The following DRC11 variants were observed in gnomAD, a reference collection of about 807,000 sequenced individuals.
DRC11 encodes the protein dynein regulatory complex subunit 11, also known as IQ and AAA domain-containing protein 1.
chr2:236,392,408 T>A, the DRC11 span: 1 of 927,324 alleles, frequency 1.1e-6, no homozygotes, highest in Non-Finnish European at 1.6e-6. This position sits in a 1 kb window ranked among gnomAD's most constrained non-coding sequence, Gnocchi z 5.1. Flanking sequence ...AGATATAGGT[T>A]AATGAAATTT....
the DRC11 span, among the ~76,000 whole-genome samples, chr2:236,428,735 G>T: frequency 2.0e-5 from 3 of 152,066 alleles, no homozygotes; most frequent in Non-Finnish European, 4.4e-5. Flanking sequence ...ATTTACATTT[G>T]AGATAATTAT....
the DRC11 span, among the ~76,000 whole-genome samples, chr2:236,412,070 T>A: frequency 1.3e-5 from 2 of 151,150 alleles, no homozygotes; most frequent in South Asian, 2.1e-4. Flanking sequence ...GAAAAAAAAA[T>A]TGTTTGTAGG....
chr2:236,481,635 T>C, the DRC11 span, among the ~76,000 whole-genome samples: 1 of 152,134 alleles, frequency 6.6e-6, no homozygotes, highest in Admixed American at 6.6e-5. Flanking sequence ...GTTTTTTTTC[T>C]AATTAACAAA....
the DRC11 span, among the ~76,000 whole-genome samples, chr2:236,398,069 C>T: frequency 3.3e-5 from 5 of 152,138 alleles, no homozygotes; most frequent in Admixed American, 6.5e-5. This position sits in a 1 kb window ranked among gnomAD's most constrained non-coding sequence, Gnocchi z 6.2. Flanking sequence ...CCTGCCCATA[C>T]GAGGAGAGCA....
At chr2:236,346,909 C>G in the DRC11 span, among the ~76,000 whole-genome samples, 1 of 152,150 alleles carries the variant, frequency 6.6e-6, no homozygotes, top group African/African-American at 2.4e-5. Flanking sequence ...GGCCTATGAC[C>G]TTCTAGGGAC....
chr2:236,446,598 G>GCTGT, the DRC11 span, among the ~76,000 whole-genome samples: 3 of 152,206 alleles, frequency 2.0e-5, no homozygotes, highest in African/African-American at 7.2e-5. The surrounding 1 kb of genome is among the most constrained non-coding windows in gnomAD (Gnocchi z 6.2). Context: ...AGAGGCACAG[G>GCTGT]CTGTCCTTTG....
At chr2:236,384,474 T>C in the DRC11 span, among the ~76,000 whole-genome samples, 6 of 152,254 alleles carry the variant, frequency 3.9e-5, no homozygotes, top group African/African-American at 1.4e-4. Context: ...TTTTGAGAAG[T>C]GTCTGTTCAT....
At chr2:236,392,217 GT>G in the DRC11 span, 1 of 1,494,900 alleles carries the variant, frequency 6.7e-7, no homozygotes, top group Non-Finnish European at 9.3e-7. This position sits in a 1 kb window ranked among gnomAD's most constrained non-coding sequence, Gnocchi z 5.1. Context: ...ATGATTTGCT[GT>G]TACTACACCA....
At chr2:236,389,115 G>A in the DRC11 span, among the ~76,000 whole-genome samples, 1 of 152,004 alleles carries the variant, frequency 6.6e-6, no homozygotes, top group South Asian at 2.1e-4. Context: ...CTGTCTTTTT[G>A]TTTGTCTGTG....
At chr2:236,429,193 T>G in the DRC11 span, among the ~76,000 whole-genome samples, 2 of 152,128 alleles carry the variant, frequency 1.3e-5, no homozygotes, top group Non-Finnish European at 2.9e-5. This position sits in a 1 kb window ranked among gnomAD's most constrained non-coding sequence, Gnocchi z 5.9. Flanking sequence ...GCTCCGAATC[T>G]GGGGGAGCGT....
the DRC11 span, among the ~76,000 whole-genome samples, chr2:236,365,340 CAGG>C: frequency 6.6e-6 from 1 of 151,974 alleles, no homozygotes; most frequent in African/African-American, 2.4e-5. This position sits in a 1 kb window ranked among gnomAD's most constrained non-coding sequence, Gnocchi z 7.4. Flanking sequence ...GCTGGACTTC[CAGG>C]AGGAGGTGGC....
At chr2:236,500,930 T>C in the DRC11 span, among the ~76,000 whole-genome samples, 2 of 152,110 alleles carry the variant, frequency 1.3e-5, no homozygotes, top group Non-Finnish European at 2.9e-5. This position sits in a 1 kb window ranked among gnomAD's most constrained non-coding sequence, Gnocchi z 6.3. Flanking sequence ...ACTCCCAACC[T>C]CAAGTGATCT....
chr2:236,332,258 T>G, the DRC11 span: 1 of 152,372 alleles, frequency 6.6e-6, no homozygotes, highest in African/African-American at 2.4e-5. This position sits in a 1 kb window ranked among gnomAD's most constrained non-coding sequence, Gnocchi z 5.1. Flanking sequence ...AAATGAGATA[T>G]TTCAATCTGA....
At chr2:236,338,581 T>C in the DRC11 span, among the ~76,000 whole-genome samples, 6 of 152,178 alleles carry the variant, frequency 3.9e-5, no homozygotes, top group African/African-American at 1.4e-4. Flanking sequence ...TAATTGTCAG[T>C]GTTTCCTTTC....
chr2:236,346,556 C>T, the DRC11 span: 704 of 167,636 alleles, frequency 4.2e-3, 25 homozygotes, highest in East Asian at 0.093. Flanking sequence ...TCACCACGAG[C>T]GTGAGGGGCC....
chr2:236,406,322 T>C, the DRC11 span, among the ~76,000 whole-genome samples: 497 of 152,342 alleles, frequency 3.3e-3, 4 homozygotes, highest in Middle Eastern at 0.017. This position sits in a 1 kb window ranked among gnomAD's most constrained non-coding sequence, Gnocchi z 4.7. Flanking sequence ...GCGATTCAAA[T>C]GCATGGAGGT....
At chr2:236,413,212 T>G in the DRC11 span, among the ~76,000 whole-genome samples, 1 of 152,190 alleles carries the variant, frequency 6.6e-6, no homozygotes, top group Non-Finnish European at 1.5e-5. This position sits in a 1 kb window ranked among gnomAD's most constrained non-coding sequence, Gnocchi z 4.0. Flanking sequence ...CTTGAAAACA[T>G]GAAGAAAGTC....
chr2:236,358,756 C>CA, the DRC11 span, among the ~76,000 whole-genome samples: 2 of 149,358 alleles, frequency 1.3e-5, no homozygotes, highest in East Asian at 1.9e-4. Flanking sequence ...AAGTGACACT[C>CA]AGAGTGCTGA....
the DRC11 span, among the ~76,000 whole-genome samples, chr2:236,366,986 T>TTC: frequency 6.7e-6 from 1 of 149,512 alleles, no homozygotes; most frequent in African/African-American, 2.5e-5. Flanking sequence ...TTTTTTTTTT[T>TTC]TTTTTTTGTA....
Sources: gnomAD v4.1 joint callset for allele counts (sites outside exome capture counted in the v4.1 genomes callset) on GRCh38, gnomAD v4.1.1 for gene constraint, Gnocchi (gnomAD v3.1) non-coding constraint, MANE v1.5 for transcripts, NCBI Gene and HGNC (gene_info 2026-07-23, HGNC 2026-07-21) for gene names.